Variants in FIGN observed in about 807,000 individuals in gnomAD.
FIGN encodes fidgetin.
FIGN carries 11 observed loss-of-function variants against 51.3 expected under a neutral mutation model. The observed-to-expected ratio is 0.21, with a 90% CI of 0.13 to 0.35. FIGN has a LOEUF of 0.35. FIGN is among the 10% of genes least tolerant of loss of function. The pLI, the probability that FIGN is intolerant of heterozygous loss-of-function variation, is 1.00. For synonymous variants in FIGN, 407 were observed against 363.2 expected (o/e 1.12, Z -1.37); for missense variants, 857 against 943.6 (o/e 0.91, Z 1.20).
intron 2 of FIGN, among the ~76,000 whole-genome samples, chr2:163,636,760 A>G (rs1683231889): frequency 6.6e-6 from 1 of 152,190 alleles, no homozygotes; most frequent in Admixed American, 6.5e-5. Flanking sequence ...TAACTGTAAT[A>G]TTAAATAGAA....
At chr2:163,627,887 C>G (rs1372734387) in intron 2 of FIGN, among the ~76,000 whole-genome samples, 1 of 152,092 alleles carries the variant, frequency 6.6e-6, no homozygotes, top group South Asian at 2.1e-4. Context: ...AGCATGTGGG[C>G]CAGTGAGTTC....
intron 2 of FIGN, among the ~76,000 whole-genome samples, chr2:163,660,834 C>CAT (rs10646457): frequency 0.041 from 379 of 9,138 alleles, 113 homozygotes; most frequent in East Asian, 0.4. Context: ...TATATGTATA[C>CAT]ATATATACAT....
At chr2:163,656,976 A>G (rs1472652650) in intron 2 of FIGN, among the ~76,000 whole-genome samples, 1 of 152,196 alleles carries the variant, frequency 6.6e-6, no homozygotes, top group Non-Finnish European at 1.5e-5. Context: ...GTATATGGAA[A>G]ACAGATACAT....
chr2:163,655,228 A>G (rs752748087), intron 2 of FIGN, among the ~76,000 whole-genome samples: 2 of 152,214 alleles, frequency 1.3e-5, no homozygotes, highest in Non-Finnish European at 2.9e-5. Flanking sequence ...TTCATATGCC[A>G]AATAGTTCCT....
rs1691221481 is a variant in FIGN, at chr2:163,610,559, G to A, written c.1273C>T (p.Pro425Ser). ...TCGTCCCCATGCTCACTCATTACTG[G>A]CGATGTGTACTTCCCAAAGGATTCA... ...SSESFGKYTS[P>S]VMSEHGDEHR... is the part of the protein sequence containing the mutation. Residue 425 changes from proline (P) to serine (S), a missense_variant, in exon 3 of 3, where the codon CCA becomes TCA. Pro to Ser is a moderately conservative substitution (Grantham distance 74). Transcript: ENST00000333129. 3 of 1,614,034 alleles carry A rather than the reference G, an allele frequency of 1.9e-6. No homozygotes were observed. Among genetic ancestry groups the A allele is most frequent in the South Asian group, 1.1e-5 (1 of 91,086 alleles).
chr2:163,731,917 C>G (rs1335334429), intron 2 of FIGN, among the ~76,000 whole-genome samples: 1 of 152,138 alleles, frequency 6.6e-6, no homozygotes, highest in Non-Finnish European at 1.5e-5. Flanking sequence ...TATTACACTT[C>G]TCAAAACTCC....
chr2:163,626,617 C>T (rs1489898346), intron 2 of FIGN, among the ~76,000 whole-genome samples: 1 of 152,056 alleles, frequency 6.6e-6, no homozygotes, highest in Admixed American at 6.6e-5. Flanking sequence ...TAGTTAGAAA[C>T]TAAGTATCTA....
intron 2 of FIGN, among the ~76,000 whole-genome samples, chr2:163,683,274 A>C (rs1684094236): frequency 6.6e-6 from 1 of 152,252 alleles, no homozygotes; most frequent in Admixed American, 6.5e-5. Context: ...TCAGAAGATT[A>C]GTTTTGTAAA....
chr2:163,655,586 A>G (rs1683545858), intron 2 of FIGN, among the ~76,000 whole-genome samples: 1 of 152,208 alleles, frequency 6.6e-6, no homozygotes, highest in Non-Finnish European at 1.5e-5. Context: ...TCACATTTTT[A>G]TAATTCATGA....
intron 2 of FIGN, among the ~76,000 whole-genome samples, chr2:163,730,162 T>C (rs576486288): frequency 1.3e-5 from 2 of 152,330 alleles, no homozygotes; most frequent in African/African-American, 4.8e-5. Context: ...CAATGTACCA[T>C]TTATTTTGAG....
intron 2 of FIGN, among the ~76,000 whole-genome samples, chr2:163,733,392 A>C (rs951083625): frequency 6.6e-6 from 1 of 152,198 alleles, no homozygotes; most frequent in African/African-American, 2.4e-5. Context: ...CAAACCATCC[A>C]ATTTCTGCTC....
chr2:163,609,697 T>C lies in FIGN; in HGVS notation c.2135A>G (p.Asp712Gly). The change falls in exon 3 of 3, where the codon GAC becomes GGC. Residue 712 changes from aspartate to glycine, a missense_variant. By Grantham distance (94) the Asp-to-Gly change is moderately conservative (BLOSUM62 -1). Around this residue, in one of 3 missense-constraint regions of FIGN, gnomAD observed 799 missense variants for 849.5 expected, o/e 0.94. Transcript: ENST00000333129. ...VGPLHAMPATDLSAIMPSQLR... is the reference protein window; with the variant it reads ...VGPLHAMPATGLSAIMPSQLR... ...CTGGCTGGGCATAATGGCTGAAAGG[T>C]CTGTGGCTGGCATGGCATGGAGGGG... The C allele has an allele frequency of 1.9e-6, 3 of 1,613,914 alleles. No homozygotes were observed. The highest frequency in any genetic ancestry group is 2.2e-5 in the South Asian group (2 of 91,080).
At position 163,646,312 on chromosome 2, in the gene FIGN, A is replaced by T. The variant is rs1201490499; in HGVS notation, c.26-34506T>A. Among the ~76,000 whole-genome samples the T allele has an allele frequency of 2.0e-5, 3 of 152,292 alleles. No homozygotes were observed. The East Asian group carries it at 5.8e-4, about 29-fold the overall frequency. On this transcript the variant is annotated intron_variant, in intron 2 of 2. Coordinates refer to ENST00000333129, the MANE Select transcript of FIGN (RefSeq NM_018086.4). ...ACTCAAGAGTTGTAATGTGTTTTAAAGTAACAAACAATTGCTGCCATGTCA... is the reference window on the plus strand; with the variant it reads ...ACTCAAGAGTTGTAATGTGTTTTAATGTAACAAACAATTGCTGCCATGTCA...
chr2:163,610,806 T>C lies in FIGN; in HGVS notation c.1026A>G (p.Arg342=), dbSNP rs1409741586. The change falls in exon 3 of 3, where the codon AGA becomes AGG. Residue 342 remains arginine (R), a synonymous_variant. Transcript: ENST00000333129. ...TTCTGTACATAGGACTCTGTGTAGA[T>C]CTCTGTTGGCCATAGCTGTAATTTC... ...SYGNYSYGQQ[R]STQSPMYRMP... 6.2e-7 allele frequency: 1 copy of C among 1,614,120 alleles called. No individual in the cohort carries two copies. The highest frequency in any genetic ancestry group is 1.1e-5 in the South Asian group (1 of 91,072).
At position 163,622,340 on chromosome 2, in the gene FIGN, A is replaced by G. The variant is rs536580723; in HGVS notation, c.26-10534T>C. Among the ~76,000 whole-genome samples, 230 of 152,184 alleles carry G rather than the reference A, an allele frequency of 1.5e-3. 2 individuals carry two copies. The highest frequency in any genetic ancestry group is 5.2e-3 in the African/African-American group (216 of 41,510). ...ACACGGTAAGACTGTCTCAAAAAAAATTAATAATAATAAAGTTGCTCCCAA... is the reference window on the plus strand; with the variant it reads ...ACACGGTAAGACTGTCTCAAAAAAAGTTAATAATAATAAAGTTGCTCCCAA... On this transcript the variant is annotated intron_variant, in intron 2 of 2. Transcript: ENST00000333129.
intron 2 of FIGN, among the ~76,000 whole-genome samples, chr2:163,665,148 A>C (rs1038579259): frequency 2.6e-5 from 4 of 152,198 alleles, no homozygotes; most frequent in African/African-American, 4.8e-5. Context: ...TAATTTCTTA[A>C]AGGAAAGTGC....
intron 2 of FIGN, among the ~76,000 whole-genome samples, chr2:163,678,120 T>C (rs1256444583): frequency 6.6e-6 from 1 of 152,240 alleles, no homozygotes; most frequent in African/African-American, 2.4e-5. Context: ...CTAAAGTTAA[T>C]ATTTTATTCG....
chr2:163,614,538 C>T (rs543795561), intron 2 of FIGN, among the ~76,000 whole-genome samples: 1 of 151,514 alleles, frequency 6.6e-6, no homozygotes, highest in South Asian at 2.1e-4. Flanking sequence ...TATCAAAATA[C>T]AGAGTAGAGA....
intron 2 of FIGN, among the ~76,000 whole-genome samples, chr2:163,717,225 G>A (rs995909190): frequency 6.6e-6 from 1 of 152,148 alleles, no homozygotes; most frequent in African/African-American, 2.4e-5. Flanking sequence ...AAGAATGCTA[G>A]GCATGTTGCT....
Sources: gnomAD v4.1 joint callset for allele counts (sites outside exome capture counted in the v4.1 genomes callset) on GRCh38, gnomAD v4.1.1 for gene constraint, gnomAD v4.1.1 regional missense constraint, MANE v1.5 for transcripts, NCBI Gene and HGNC (gene_info 2026-07-23, HGNC 2026-07-21) for gene names.